The following ADAM22 variants were observed in gnomAD, a reference collection of about 807,000 sequenced individuals.
ADAM22 encodes disintegrin and metalloproteinase domain-containing protein 22.
In ADAM22, 65 loss-of-function variants were observed where a neutral mutation model predicts 144.6. The observed-to-expected ratio is 0.45, with a 90% CI of 0.37 to 0.55. ADAM22 has a LOEUF of 0.55. ADAM22 is among the 20% of genes least tolerant of loss of function. The pLI is 0.00. For synonymous variants in ADAM22, 391 were observed against 412.6 expected (o/e 0.95, Z 0.63); for missense variants, 974 against 1,184.9 (o/e 0.82, Z 2.61).
intron 3 of ADAM22, among the ~76,000 whole-genome samples, chr7:88,005,345 AG>A: frequency 6.6e-6 from 1 of 152,292 alleles, no homozygotes; most frequent in South Asian, 2.1e-4. Context: ...TGGGCATTGC[AG>A]GGGTAGTGGA....
chr7:88,194,448 T>C (rs1439688462), intron 31 of ADAM22, among the ~76,000 whole-genome samples: 1 of 152,056 alleles, frequency 6.6e-6, no homozygotes, highest in East Asian at 1.9e-4. Context: ...GGCAGAATCC[T>C]ACCAAATACA....
intron 3 of ADAM22, among the ~76,000 whole-genome samples, chr7:88,007,513 A>G (rs1056293897): frequency 1.3e-5 from 2 of 152,256 alleles, no homozygotes; most frequent in Admixed American, 6.5e-5. Context: ...ACAAGTCTAC[A>G]GTAACCAAAA....
chr7:88,008,731 C>T (rs997603761), intron 3 of ADAM22, among the ~76,000 whole-genome samples: 4 of 151,626 alleles, frequency 2.6e-5, no homozygotes, highest in Non-Finnish European at 4.4e-5. Context: ...AGGGGAACAT[C>T]ACACTCTGGG....
intron 17 of ADAM22, among the ~76,000 whole-genome samples, chr7:88,148,392 G>A (rs575437844): frequency 2.2e-4 from 34 of 152,094 alleles, no homozygotes; most frequent in African/African-American, 7.5e-4. Context: ...TCTCACACTT[G>A]CAAGAAGTAT....
chr7:88,138,948 G>C (rs572509296), intron 14 of ADAM22, among the ~76,000 whole-genome samples: 1 of 152,352 alleles, frequency 6.6e-6, no homozygotes, highest in South Asian at 2.1e-4. Flanking sequence ...CTTCCTCCCA[G>C]CTCTGCAGTG....
intron 21 of ADAM22, 94 bp downstream of exon 21, chr7:88,153,420 C>T: frequency 1.0e-6 from 1 of 996,208 alleles, no homozygotes; most frequent in Non-Finnish European, 1.5e-6. Context: ...CTGCATCACA[C>T]AAAGTGTGCT....
chr7:87,973,192 T>C (rs1407854843), intron 2 of ADAM22, among the ~76,000 whole-genome samples: 1 of 152,158 alleles, frequency 6.6e-6, no homozygotes, highest in Non-Finnish European at 1.5e-5. Flanking sequence ...AACCTACTTA[T>C]CTGACAAAGG....
chr7:88,017,797 G>A (rs927222004), intron 3 of ADAM22, among the ~76,000 whole-genome samples: 12 of 150,858 alleles, frequency 8.0e-5, no homozygotes, highest in Non-Finnish European at 1.5e-4. Context: ...ATATATATAT[G>A]TGTGTGTATA....
At chr7:88,175,029 C>A (rs1845290749) in intron 26 of ADAM22, among the ~76,000 whole-genome samples, 1 of 152,110 alleles carries the variant, frequency 6.6e-6, no homozygotes. Context: ...GGAGAAATGC[C>A]TCCTTCAGCA....
intron 7 of ADAM22, among the ~76,000 whole-genome samples, chr7:88,120,832 C>T (rs1829100146): frequency 6.6e-6 from 1 of 152,112 alleles, no homozygotes; most frequent in Admixed American, 6.6e-5. Context: ...GTAATTTTTG[C>T]TAGCTCCCAA....
At chr7:88,160,772 A>G (rs2129529030) in intron 22 of ADAM22, among the ~76,000 whole-genome samples, 1 of 152,296 alleles carries the variant, frequency 6.6e-6, no homozygotes, top group East Asian at 1.9e-4. Context: ...ACACCATGGA[A>G]TACTATGCAG....
chr7:88,027,824 G>A (rs1221157894), intron 3 of ADAM22, among the ~76,000 whole-genome samples: 1 of 148,720 alleles, frequency 6.7e-6, no homozygotes, highest in Admixed American at 6.7e-5. Context: ...TTTTTTCTGA[G>A]ACAGAGTCTT....
At chr7:88,062,816 T>G (rs988321910) in intron 3 of ADAM22, among the ~76,000 whole-genome samples, 2 of 152,176 alleles carry the variant, frequency 1.3e-5, no homozygotes, top group Non-Finnish European at 2.9e-5. Context: ...TGACCTAATT[T>G]CCATATTGTT....
intron 21 of ADAM22, among the ~76,000 whole-genome samples, chr7:88,155,550 A>T (rs1429708423): frequency 1.3e-5 from 2 of 151,886 alleles, no homozygotes; most frequent in Non-Finnish European, 2.9e-5. Context: ...AAGAAGAAGA[A>T]GAAGAAATAG....
At chr7:87,953,971 C>G (rs1044955312) in intron 2 of ADAM22, among the ~76,000 whole-genome samples, 3 of 151,852 alleles carry the variant, frequency 2.0e-5, no homozygotes, top group Non-Finnish European at 4.4e-5. Flanking sequence ...CAACCCCTGC[C>G]TTTTTTTGTT....
chr7:88,161,597 A>G (rs1841656647), intron 22 of ADAM22, among the ~76,000 whole-genome samples: 2 of 152,142 alleles, frequency 1.3e-5, no homozygotes, highest in Non-Finnish European at 2.9e-5. Flanking sequence ...TCCAGCATCT[A>G]TGAGGAACTT....
At chr7:88,102,169 T>C (rs1453950965) in intron 4 of ADAM22, among the ~76,000 whole-genome samples, 2 of 152,212 alleles carry the variant, frequency 1.3e-5, no homozygotes, top group Non-Finnish European at 2.9e-5. Context: ...TGAAAGATCT[T>C]TCTGTATCCT....
intron 2 of ADAM22, among the ~76,000 whole-genome samples, chr7:87,946,968 T>C (rs540286204): frequency 6.6e-6 from 1 of 152,288 alleles, no homozygotes; most frequent in African/African-American, 2.4e-5. Context: ...AACCAAATAC[T>C]GTATATTCTC....
Position 88,155,953 on chromosome 7 carries a change from T to C in ADAM22, c.1854T>C (p.Asp618=). 6.2e-7 allele frequency: 1 copy of C among 1,613,422 alleles called. No individual in the cohort carries two copies. Among genetic ancestry groups the C allele is most frequent in the Non-Finnish European group, 8.5e-7 (1 of 1,179,576 alleles). The change falls in exon 22 of 32, where the codon GAT becomes GAC. Residue 618 remains aspartate, a synonymous_variant. Coordinates refer to ENST00000413139, the MANE Select transcript of ADAM22 (RefSeq NM_001324418.2). Reference sequence around the variant, plus strand: ...ATATCCCAAGGCTTGGAGAACTCGATGGTGAAATCACATCTACTTTAGTTG... The same window carrying C: ...ATATCCCAAGGCTTGGAGAACTCGACGGTGAAATCACATCTACTTTAGTTG... ...IGNIPRLGEL[D]GEITSTLVVQ...
Sources: allele counts gnomAD v4.1 joint callset (sites outside exome capture counted in the v4.1 genomes callset), GRCh38; gene constraint gnomAD v4.1.1; transcripts MANE v1.5; gene names NCBI Gene and HGNC (gene_info 2026-07-23, HGNC 2026-07-21).